TENM1: variants seen among roughly 807,000 people sequenced by gnomAD.
TENM1 encodes teneurin-1.
Under a neutral mutation model 174.8 loss-of-function variants are expected in TENM1, and 35 were observed. The ratio of observed to expected loss-of-function variants is 0.20; its 90% CI spans 0.15 to 0.27. The LOEUF (loss-of-function observed/expected upper bound fraction) is 0.27. Among genes scored for constraint, TENM1 ranks in the 10% least tolerant of loss-of-function variants. The pLI is 1.00. For synonymous variants in TENM1, 781 were observed against 798.7 expected (o/e 0.98, Z 0.37); for missense variants, 1,633 against 2,130.1 (o/e 0.77, Z 4.59).
At chrX:125,180,340 A>T in the TENM1 span, among the ~76,000 whole-genome samples, 2 of 97,947 alleles carry the variant, frequency 2.0e-5, no homozygotes, top group African/African-American at 7.5e-5. Flanking sequence ...AAGTGATAGG[A>T]TTACAAGCGT....
intron 5 of TENM1, among the ~76,000 whole-genome samples, chrX:124,674,303 C>CAAAAAAAAAAAAAA (rs745969451): frequency 6.0e-5 from 1 of 16,624 alleles, no homozygotes; most frequent in African/African-American, 2.1e-4. Context: ...TATCAAAAGG[C>CAAAAAAAAAAAAAA]AAAAAAAAAA....
intron 31 of TENM1, 136 bp downstream of exon 34, chrX:124,382,534 C>G (rs2060170976): frequency 3.5e-6 from 2 of 570,052 alleles, no homozygotes; most frequent in African/African-American, 4.8e-5. Context: ...TATACCTTCT[C>G]ATTAATTGTG....
At chrX:124,930,496 G>A (rs1037579676) in intron 1 of TENM1, among the ~76,000 whole-genome samples, 14 of 111,485 alleles carry the variant, frequency 1.3e-4, no homozygotes, top group Admixed American at 7.6e-4. Flanking sequence ...TTTGTGTACC[G>A]AATTGATACT....
At chrX:124,718,467 T>C (rs1310009863) in intron 4 of TENM1, among the ~76,000 whole-genome samples, 1 of 112,392 alleles carries the variant, frequency 8.9e-6, no homozygotes, top group Admixed American at 9.4e-5. Flanking sequence ...AGGGTATATA[T>C]TCAATGTGTC....
At position 124,461,273 on chromosome X, in the gene TENM1, A is replaced by G. The variant is rs756824328; in HGVS notation, c.3950-7782T>C. Among the ~76,000 whole-genome samples the G allele has an allele frequency of 5.3e-5, 6 of 112,227 alleles. No homozygotes were observed. In the South Asian group the frequency reaches 2.2e-3, roughly 41 times the overall value. On this transcript the variant is annotated intron_variant, in intron 22 of 31. Coordinates refer to ENST00000422452, the Ensembl canonical transcript of TENM1. ...GCTGGTGAGGATGTGGAGAAAGGGGAATCCTCATATATTGTTGGTGGAAAT... is the reference window on the plus strand; with the variant it reads ...GCTGGTGAGGATGTGGAGAAAGGGGGATCCTCATATATTGTTGGTGGAAAT...
intron 3 of TENM1, among the ~76,000 whole-genome samples, chrX:124,796,773 A>G (rs1016009481): frequency 1.8e-5 from 2 of 111,765 alleles, no homozygotes; most frequent in Non-Finnish European, 3.8e-5. Flanking sequence ...CTCAACTATA[A>G]GATTTACACT....
intron 11 of TENM1, among the ~76,000 whole-genome samples, chrX:124,603,281 C>T (rs1602764606): frequency 8.9e-6 from 1 of 111,891 alleles, no homozygotes; most frequent in East Asian, 2.8e-4. Context: ...GTCATTTAAA[C>T]ATATAGCAGT....
intron 11 of TENM1, among the ~76,000 whole-genome samples, chrX:124,585,016 G>A (rs1166335827): frequency 1.8e-5 from 2 of 109,614 alleles, no homozygotes; most frequent in Non-Finnish European, 3.8e-5. Flanking sequence ...CCCAATACAG[G>A]AGCACCCAGA....
At chrX:124,480,914 T>C (rs1269907392) in intron 22 of TENM1, among the ~76,000 whole-genome samples, 2 of 111,473 alleles carry the variant, frequency 1.8e-5, no homozygotes, top group Non-Finnish European at 3.8e-5. Flanking sequence ...GTCAATGATA[T>C]ATGATGACAG....
chrX:124,567,730 G>T, intron 11 of TENM1, among the ~76,000 whole-genome samples: 1 of 111,251 alleles, frequency 9.0e-6, no homozygotes, highest in Non-Finnish European at 1.9e-5. Context: ...AGAACCCCTG[G>T]TCCCGAATCT....
intron 5 of TENM1, among the ~76,000 whole-genome samples, chrX:124,703,429 G>A (rs1001572644): frequency 5.4e-5 from 6 of 111,705 alleles, no homozygotes; most frequent in African/African-American, 1.9e-4. Context: ...TGATATGGGA[G>A]TGGCCATAAT....
In TENM1 at chrX:124,384,770, C is replaced by T. The variant is rs779083630; in HGVS notation, c.6161G>A (p.Arg2054Gln). 8.3e-6 allele frequency: 10 copies of T among 1,209,388 alleles called. No homozygotes were observed. The African/African-American group carries it at 8.7e-5, about 11-fold the overall frequency. Residue 2054 changes from arginine (R) to glutamine (Q), a missense_variant, in exon 30 of 32, where the codon CGA (arginine) becomes CAA (glutamine). By Grantham distance (43) the Arg-to-Gln change is conservative. This residue lies in a region of TENM1 where 807 missense variants were observed against 1,125.3 expected (regional missense o/e 0.72). Coordinates refer to ENST00000422452, the Ensembl canonical transcript of TENM1. ...GATTACAGCTTGCATGCTTGTGACTCGGAAATTGTTGTAGCTGTAGTCGAA... is the reference window on the plus strand; with the variant it reads ...GATTACAGCTTGCATGCTTGTGACTTGGAAATTGTTGTAGCTGTAGTCGAA...
At chrX:124,726,916 T>C (rs750929545) in intron 4 of TENM1, among the ~76,000 whole-genome samples, 1 of 112,392 alleles carries the variant, frequency 8.9e-6, no homozygotes, top group Admixed American at 9.4e-5. Flanking sequence ...TTCCCCAAGA[T>C]AGAAACTAGC....
intron 19 of TENM1, among the ~76,000 whole-genome samples, chrX:124,498,453 A>G (rs1024350324): frequency 2.7e-5 from 3 of 110,193 alleles, no homozygotes; most frequent in Non-Finnish European, 5.7e-5. Context: ...TAAGGCACAA[A>G]AAGTCCTTCA....
chrX:124,977,548 G>A, the TENM1 span, among the ~76,000 whole-genome samples: 1 of 110,527 alleles, frequency 9.0e-6, no homozygotes, highest in East Asian at 2.9e-4. Context: ...TTGTGAAACC[G>A]TTACCACCAT....
chrX:124,712,772 G>A (rs184874021), intron 4 of TENM1, among the ~76,000 whole-genome samples: 12 of 111,809 alleles, frequency 1.1e-4, no homozygotes, highest in East Asian at 5.6e-4. Flanking sequence ...GTGAGACACC[G>A]CACCCGCCCT....
At chrX:124,566,797 G>A (rs1454027044) in intron 11 of TENM1, among the ~76,000 whole-genome samples, 2 of 111,813 alleles carry the variant, frequency 1.8e-5, no homozygotes, top group Non-Finnish European at 3.8e-5. Context: ...TTGAAGGTCA[G>A]GGTATGATGG....
intron 3 of TENM1, among the ~76,000 whole-genome samples, chrX:124,745,466 T>G (rs1025902489): frequency 9.0e-6 from 1 of 111,671 alleles, no homozygotes; most frequent in African/African-American, 3.3e-5. Flanking sequence ...GGTCACCTGT[T>G]GCTATAATAG....
chrX:125,084,965 T>C, the TENM1 span, among the ~76,000 whole-genome samples: 2 of 111,004 alleles, frequency 1.8e-5, no homozygotes, highest in African/African-American at 6.5e-5. Flanking sequence ...TACTGAGGCA[T>C]AGTTTCTGAG....
Sources: allele counts gnomAD v4.1 joint callset (sites outside exome capture counted in the v4.1 genomes callset), GRCh38; gene constraint gnomAD v4.1.1; regional missense constraint gnomAD v4.1.1; transcripts MANE v1.5; gene names NCBI Gene and HGNC (gene_info 2026-07-23, HGNC 2026-07-21).